COL28A1: variants seen among roughly 807,000 people sequenced by gnomAD.
The protein encoded by COL28A1 is collagen type XXVIII alpha 1 chain.
Under a neutral mutation model 150.2 loss-of-function variants are expected in COL28A1, and 161 were observed. The observed-to-expected ratio is 1.07, with a 90% CI of 0.94 to 1.22. The LOEUF (loss-of-function observed/expected upper bound fraction) is 1.22, where lower values mean the gene tolerates loss of function less well. COL28A1 is among the 50% of genes most tolerant of loss of function. COL28A1 has a pLI of 0.00. For synonymous variants in COL28A1, 552 were observed against 469.7 expected, an observed-to-expected ratio of 1.18 and a Z score of -2.26; for missense variants, 1,617 against 1,388.3, an observed-to-expected ratio of 1.16 and a Z score of -2.62.
At chr7:7,475,076 T>C (rs1452337967) in intron 14 of COL28A1, among the ~76,000 whole-genome samples, 1 of 152,220 alleles carries the variant, frequency 6.6e-6, no homozygotes, top group Non-Finnish European at 1.5e-5. Context: ...TACTAATATG[T>C]GAACTAATAC....
Position 7,517,857 on chromosome 7 carries a change from G to C in COL28A1, c.814-20C>G, listed in dbSNP as rs1364995589. 6.2e-7 allele frequency: 1 copy of C among 1,613,386 alleles called. No individual in the cohort carries two copies. The highest frequency in any genetic ancestry group is 8.5e-7 in the Non-Finnish European group (1 of 1,179,530). ...GTTGCCCTGTGACAAACAAAAAACAGTAAAAATTCCACAGCCCTGAAGAGT... is the reference window on the plus strand; with the variant it reads ...GTTGCCCTGTGACAAACAAAAAACACTAAAAATTCCACAGCCCTGAAGAGT... On this transcript the variant is annotated intron_variant, in intron 6 of 34. Coordinates refer to ENST00000399429, the MANE Select transcript of COL28A1 (RefSeq NM_001037763.3).
intron 30 of COL28A1, among the ~76,000 whole-genome samples, chr7:7,379,745 G>T (rs928404822): frequency 6.6e-6 from 1 of 152,318 alleles, no homozygotes; most frequent in South Asian, 2.1e-4. Flanking sequence ...TACAGGGAAC[G>T]TTCCTCTGCT....
intron 27 of COL28A1, among the ~76,000 whole-genome samples, chr7:7,390,693 T>C (rs1782488611): frequency 6.6e-6 from 1 of 152,198 alleles, no homozygotes; most frequent in Non-Finnish European, 1.5e-5. Context: ...TGTTCGAGGA[T>C]TCAACTTCTT....
chr7:7,472,427 CAA>C (rs562387897), intron 15 of COL28A1, among the ~76,000 whole-genome samples: 1 of 143,380 alleles, frequency 7.0e-6, no homozygotes, highest in African/African-American at 2.6e-5. Flanking sequence ...ACAATAGCTG[CAA>C]AAAAAAAAAT....
At chr7:7,479,371 A>C (rs1018270427) in intron 13 of COL28A1, among the ~76,000 whole-genome samples, 4 of 152,234 alleles carry the variant, frequency 2.6e-5, no homozygotes, top group Non-Finnish European at 5.9e-5. Context: ...ATGGAAATTA[A>C]ATGATGCTTT....
intron 27 of COL28A1, among the ~76,000 whole-genome samples, chr7:7,413,717 G>T (rs567350796): frequency 4.7e-4 from 72 of 152,292 alleles, no homozygotes; most frequent in Middle Eastern, 3.4e-3. Context: ...CACACACATT[G>T]TACTGTTATG....
At chr7:7,508,288 T>A (rs1176410259) in intron 9 of COL28A1, among the ~76,000 whole-genome samples, 2 of 151,778 alleles carry the variant, frequency 1.3e-5, no homozygotes, top group Non-Finnish European at 2.9e-5. Context: ...AGTAAACAGA[T>A]AATAGTCAAG....
chr7:7,435,458 A>G (rs539098562), intron 23 of COL28A1, among the ~76,000 whole-genome samples: 12 of 152,286 alleles, frequency 7.9e-5, no homozygotes, highest in African/African-American at 2.9e-4. Flanking sequence ...AGATTTTCCC[A>G]GTTTTAGCCC....
chr7:7,507,785 T>G (rs1342297204), intron 9 of COL28A1, among the ~76,000 whole-genome samples: 9 of 152,080 alleles, frequency 5.9e-5, no homozygotes, highest in African/African-American at 2.2e-4. Context: ...AACATATAAA[T>G]AAACAATTTG....
At chr7:7,418,206 T>A (rs956050769) in intron 26 of COL28A1, among the ~76,000 whole-genome samples, 1 of 152,230 alleles carries the variant, frequency 6.6e-6, no homozygotes, top group African/African-American at 2.4e-5. Context: ...CCTCATCTGC[T>A]TGGGCCCCCT....
rs1781899732 is a variant in COL28A1 at position 7,524,256 on chromosome 7, G to C, written c.682-7C>G. On this transcript the variant is annotated splice_region_variant and splice_polypyrimidine_tract_variant and intron_variant, in intron 3 of 34. Coordinates refer to ENST00000399429, the MANE Select transcript of COL28A1 (RefSeq NM_001037763.3). ...TCTTTTCAAATAAGATATCCTACAA[G>C]GGAAAAAAGAATGAAGCATTAACTC... is the stretch of plus-strand genomic sequence containing the variant. The C allele has an allele frequency of 7.4e-7, 1 of 1,345,034 alleles. No homozygotes were observed. The highest frequency in any genetic ancestry group is 1.1e-6 in the Non-Finnish European group (1 of 935,362). 83.3% of individuals were successfully genotyped at this position (1,345,034 alleles called of 1,614,324 possible). A position where few individuals can be genotyped will look rare whatever the true frequency, so the allele number is the denominator to read the frequency against.
intron 27 of COL28A1, among the ~76,000 whole-genome samples, chr7:7,387,480 G>GT (rs1782259278): frequency 6.6e-6 from 1 of 152,036 alleles, no homozygotes; most frequent in South Asian, 2.1e-4. Flanking sequence ...ATTGTACTGT[G>GT]TTATATAAGA....
At chr7:7,363,712 T>C (rs1167263314) in intron 33 of COL28A1, among the ~76,000 whole-genome samples, 1 of 152,276 alleles carries the variant, frequency 6.6e-6, no homozygotes, top group South Asian at 2.1e-4. Context: ...AAATACTGTA[T>C]GTTCAGTTTT....
intron 16 of COL28A1, among the ~76,000 whole-genome samples, chr7:7,454,598 G>A (rs1194329415): frequency 6.6e-6 from 1 of 152,022 alleles, no homozygotes; most frequent in Non-Finnish European, 1.5e-5. Context: ...CTCCACCAAG[G>A]AACAGCATTA....
At chr7:7,462,300 G>C (rs1275697983) in intron 15 of COL28A1, among the ~76,000 whole-genome samples, 1 of 152,060 alleles carries the variant, frequency 6.6e-6, no homozygotes. Flanking sequence ...ACCAACTCTG[G>C]TAATATGACG....
Position 7,453,500 on chromosome 7 carries a change from T to C in COL28A1, c.1380A>G (p.Gln460=). 1 of 1,097,970 alleles carries C rather than the reference T, an allele frequency of 9.1e-7. No individual in the cohort carries two copies. Among genetic ancestry groups the C allele is most frequent in the Admixed American group, 1.8e-5 (1 of 54,606 alleles). The allele number at this position is 1,097,970 out of a possible 1,614,324, so 68.0% of individuals were successfully genotyped here. A position where few individuals can be genotyped will look rare whatever the true frequency, so the allele number is the denominator to read the frequency against. ...GIGSQGEQGI[Q]GPIGPPGPQG... is the part of the protein sequence containing the mutation. ...GTGGACCAGGTGGACCAATAGGACC[T>C]TGGATTCCCTTTAAAATAAAATTTT... The change falls in exon 17 of 35, where the codon CAA becomes CAG. Residue 460 remains glutamine (Q), a synonymous_variant. Transcript: ENST00000399429.
chr7:7,461,928 C>T (rs1346508552), intron 15 of COL28A1, among the ~76,000 whole-genome samples: 2 of 152,126 alleles, frequency 1.3e-5, no homozygotes, highest in Admixed American at 1.3e-4. Flanking sequence ...CAGGAGGAGG[C>T]CAACCGGCAC....
intron 33 of COL28A1, among the ~76,000 whole-genome samples, chr7:7,369,333 G>C (rs537542663): frequency 6.6e-6 from 1 of 152,300 alleles, no homozygotes; most frequent in South Asian, 2.1e-4. Context: ...GTCACTATCT[G>C]TTCTTGTGAG....
upstream of COL28A1, among the ~76,000 whole-genome samples, chr7:7,536,686 A>G (rs1018777632): frequency 1.3e-5 from 2 of 152,216 alleles, no homozygotes; most frequent in Non-Finnish European, 2.9e-5. Context: ...GAATAGCAAG[A>G]TCATCCGAGA....
Sources: allele counts gnomAD v4.1 joint callset (sites outside exome capture counted in the v4.1 genomes callset), GRCh38; gene constraint gnomAD v4.1.1; transcripts MANE v1.5; gene names NCBI Gene and HGNC (gene_info 2026-07-23, HGNC 2026-07-21).